The following PTER variants were observed in gnomAD, a reference collection of about 807,000 sequenced individuals.
PTER encodes phosphotriesterase related, also known as N-acetyltaurine hydrolase.
Under a neutral mutation model 29.6 loss-of-function variants are expected in PTER, and 38 were observed. The ratio of observed to expected loss-of-function variants is 1.28; its 90% confidence interval spans 0.99 to 1.68. The LOEUF is 1.68. Among genes scored for constraint, PTER ranks in the 40% most tolerant of loss-of-function variants. The pLI is 0.00. For synonymous variants in PTER, 172 were observed against 154.5 expected, an observed-to-expected ratio of 1.11 and a Z score of -0.84; for missense variants, 482 against 427.8, an observed-to-expected ratio of 1.13 and a Z score of -1.12.
rs549875082 is a variant in PTER at position 16,484,398 on chromosome 10, G to A, written c.14G>A (p.Ser5Asn). 1.1e-5 allele frequency: 17 copies of A among 1,584,974 alleles called. No individual in the cohort carries two copies. The East Asian group carries it at 3.6e-4, about 33-fold the overall frequency. The change falls in exon 2 of 5, where the codon AGT becomes AAT. Residue 5 changes from serine (S) to asparagine (N), a missense_variant. Ser to Asn is a conservative substitution (Grantham distance 46). Coordinates refer to ENST00000535784, the MANE Select transcript of PTER (RefSeq NM_001261836.2). MSSLSGKVQTVLGLV... is the reference protein window; with the variant it reads MSSLNGKVQTVLGLV... ...GTACCATCAGAAATGTCTTCCTTAA[G>A]TGGAAAAGTCCAAACCGTTTTGGGC... is the stretch of plus-strand genomic sequence containing the variant.
intron 1 of PTER, among the ~76,000 whole-genome samples, chr10:16,441,814 T>C (rs946136370): frequency 3.9e-5 from 6 of 152,226 alleles, no homozygotes; most frequent in African/African-American, 1.4e-4. Flanking sequence ...GCTTTACATA[T>C]TAAATTCTCT....
intron 4 of PTER, among the ~76,000 whole-genome samples, chr10:16,508,225 C>G (rs1020053328): frequency 1.3e-5 from 2 of 151,946 alleles, no homozygotes; most frequent in African/African-American, 2.4e-5. Context: ...CCCGCCACCA[C>G]GCCCGGCTAA....
At chr10:16,485,095 A>G (rs998012032) in intron 2 of PTER, among the ~76,000 whole-genome samples, 1 of 152,220 alleles carries the variant, frequency 6.6e-6, no homozygotes. Context: ...CAACGTGATA[A>G]TAGTTAGATT....
chr10:16,458,437 A>G (rs1834492282), intron 1 of PTER, among the ~76,000 whole-genome samples: 1 of 152,234 alleles, frequency 6.6e-6, no homozygotes, highest in Admixed American at 6.5e-5. Context: ...ATAGGAAACT[A>G]CTAATTCAAC....
At chr10:16,446,532 T>C (rs11253998) in intron 1 of PTER, among the ~76,000 whole-genome samples, 88,120 of 151,904 alleles carry the variant, frequency 0.58, 26,973 homozygotes, top group African/African-American at 0.78. Flanking sequence ...CTATTTCAAG[T>C]TAGAAGTTCA....
chr10:16,477,902 A>G (rs1389401148), intron 1 of PTER, among the ~76,000 whole-genome samples: 1 of 152,240 alleles, frequency 6.6e-6, no homozygotes, highest in African/African-American at 2.4e-5. Context: ...CAGCTGGCTC[A>G]AAGTATCACT....
chr10:16,518,446 A>G (rs886066979), downstream of PTER, among the ~76,000 whole-genome samples: 4 of 152,164 alleles, frequency 2.6e-5, no homozygotes, highest in African/African-American at 7.2e-5. Flanking sequence ...TTACCTTACT[A>G]TTTTTCCTGA....
intron 1 of PTER, among the ~76,000 whole-genome samples, chr10:16,466,940 C>T (rs933068539): frequency 6.6e-6 from 1 of 152,168 alleles, no homozygotes; most frequent in Non-Finnish European, 1.5e-5. Context: ...AAAGGAAGAC[C>T]TATGGCCATG....
At chr10:16,490,197 G>C (rs143042175) in intron 3 of PTER, among the ~76,000 whole-genome samples, 117 of 152,218 alleles carry the variant, frequency 7.7e-4, no homozygotes, top group African/African-American at 2.8e-3. Context: ...GTGTTGAACA[G>C]CTCATATAAT....
chr10:16,446,872 T>C (rs1834032788), intron 1 of PTER, among the ~76,000 whole-genome samples: 1 of 152,112 alleles, frequency 6.6e-6, no homozygotes, highest in Non-Finnish European at 1.5e-5. Flanking sequence ...TGCTGCAACC[T>C]CTGCCTCCTG....
chr10:16,505,418 A>G (rs577304954), intron 4 of PTER, among the ~76,000 whole-genome samples: 19 of 152,304 alleles, frequency 1.2e-4, no homozygotes, highest in African/African-American at 4.3e-4. Flanking sequence ...CAGGAAACAC[A>G]GATAATACCC....
In PTER at chr10:16,492,359, A is replaced by G. The variant is rs1411755180; in HGVS notation, c.698+5742A>G. On this transcript the variant is annotated intron_variant, in intron 3 of 4. Coordinates refer to ENST00000535784, the MANE Select transcript of PTER (RefSeq NM_001261836.2). ...TATGAAGGCTTTCTGCCTTTCAATC[A>G]CTTACTATAATTTTACTACCTGTTA... Among the ~76,000 whole-genome samples, 4 of 152,194 alleles carry G rather than the reference A, an allele frequency of 2.6e-5. No individual in the cohort carries two copies. The South Asian group carries it at 6.2e-4, about 24-fold the overall frequency.
intron 1 of PTER, among the ~76,000 whole-genome samples, chr10:16,449,804 G>A (rs556854703): frequency 3.4e-4 from 52 of 152,136 alleles, no homozygotes; most frequent in Non-Finnish European, 6.5e-4. Context: ...TAGGTCTAAA[G>A]TGACTAATCC....
intron 3 of PTER, among the ~76,000 whole-genome samples, chr10:16,488,806 G>A (rs1204173386): frequency 2.6e-5 from 4 of 152,156 alleles, no homozygotes; most frequent in Non-Finnish European, 5.9e-5. Context: ...TTCTTGCCCT[G>A]TTGCCGAGGC....
At chr10:16,448,883 C>T (rs1311873336) in intron 1 of PTER, among the ~76,000 whole-genome samples, 1 of 152,192 alleles carries the variant, frequency 6.6e-6, no homozygotes, top group African/African-American at 2.4e-5. Flanking sequence ...AAAAGGCATT[C>T]GCCAAGTCAG....
rs568080022 is a variant in PTER at position 16,455,457 on chromosome 10, G to A, written c.-49+18410G>A. Among the ~76,000 whole-genome samples the A allele has an allele frequency of 2.6e-5, 4 of 152,196 alleles. No homozygotes were observed. The South Asian group carries it at 8.3e-4, about 32-fold the overall frequency. On this transcript the variant is annotated intron_variant, in intron 1 of 4. Transcript: ENST00000535784. ...TATAATCCTAACACTTTGGGAGACC[G>A]AGTCAGGAGGATCGTTTGAGCCCAG...
chr10:16,456,242 A>G (rs143071881), intron 1 of PTER, among the ~76,000 whole-genome samples: 21 of 152,348 alleles, frequency 1.4e-4, no homozygotes, highest in African/African-American at 5.1e-4. Flanking sequence ...AAACATTTAC[A>G]GAATCCTGCT....
downstream of PTER, among the ~76,000 whole-genome samples, chr10:16,517,011 G>A (rs1836962473): frequency 6.6e-6 from 1 of 152,218 alleles, no homozygotes; most frequent in African/African-American, 2.4e-5. Context: ...AACAGGACTT[G>A]AAATTTCAAG....
chr10:16,455,776 T>C (rs1434303975), intron 1 of PTER, among the ~76,000 whole-genome samples: 1 of 152,180 alleles, frequency 6.6e-6, no homozygotes, highest in East Asian at 1.9e-4. Flanking sequence ...GCAAGTGCCA[T>C]AGAGACTTTA....
Sources: gnomAD v4.1 joint callset for allele counts (sites outside exome capture counted in the v4.1 genomes callset) on GRCh38, gnomAD v4.1.1 for gene constraint, MANE v1.5 for transcripts, NCBI Gene and HGNC (gene_info 2026-07-23, HGNC 2026-07-21) for gene names.